The following NRG1 variants were observed in gnomAD, a reference collection of about 807,000 sequenced individuals.
NRG1 encodes the protein neuregulin 1.
Under a neutral mutation model 63.8 loss-of-function variants are expected in NRG1, and 18 were observed. The ratio of observed to expected loss-of-function variants is 0.28; its 90% CI spans 0.19 to 0.42. NRG1 has a LOEUF of 0.42. NRG1 is among the 10% of genes least tolerant of loss of function. The pLI, the probability that NRG1 is intolerant of heterozygous loss-of-function variation, is 1.00. For missense variants in NRG1, 762 were observed against 814.7 expected (o/e 0.94, Z 0.79); for synonymous variants, 302 against 301.3 (o/e 1.00, Z -0.02).
chr8:32,090,099 C>T (rs1828882933), intron 1 of NRG1, among the ~76,000 whole-genome samples: 1 of 152,088 alleles, frequency 6.6e-6, no homozygotes, highest in Non-Finnish European at 1.5e-5. Context: ...ATAGAGTCCA[C>T]CTCTTAAAGG....
intron 1 of NRG1, among the ~76,000 whole-genome samples, chr8:31,648,596 AT>A (rs1804538380): frequency 6.6e-6 from 1 of 152,126 alleles, no homozygotes. Flanking sequence ...GACAAACACT[AT>A]TCTACTGTTT....
intron 1 of NRG1, among the ~76,000 whole-genome samples, chr8:31,664,368 C>T (rs973079172): frequency 3.3e-5 from 5 of 152,036 alleles, no homozygotes; most frequent in African/African-American, 4.8e-5. Context: ...GGAGTACCAA[C>T]GCATAGAGTG....
chr8:32,138,188 C>A (rs571859751), intron 1 of NRG1, among the ~76,000 whole-genome samples: 67 of 151,998 alleles, frequency 4.4e-4, no homozygotes, highest in Non-Finnish European at 8.1e-4. Flanking sequence ...AGCTACACAG[C>A]GTCAGTGAGG....
At chr8:32,655,575 G>A (rs1307621759) in intron 5 of NRG1, among the ~76,000 whole-genome samples, 1 of 152,044 alleles carries the variant, frequency 6.6e-6, no homozygotes, top group Non-Finnish European at 1.5e-5. Flanking sequence ...AAATTGTAGG[G>A]GTTCTTTACC....
rs74881678 is a variant in NRG1, at chr8:32,745,345, C to T, written c.691+2612C>T. Among the ~76,000 whole-genome samples the T allele has an allele frequency of 6.8e-3, 1,036 of 152,214 alleles. 10 individuals carry two copies. The highest frequency in any genetic ancestry group is 0.023 in the African/African-American group (958 of 41,538). On this transcript the variant is annotated intron_variant, in intron 7 of 11. Transcript: ENST00000356819. ...AGAGAAACATTCAAAACTTACCAAA[C>T]TGCATTTTCAGTTGAAAAATAACAT...
At chr8:31,990,643 C>T (rs444706) in intron 1 of NRG1, among the ~76,000 whole-genome samples, 3,602 of 152,100 alleles carry the variant, frequency 0.024, 122 homozygotes, top group African/African-American at 0.082. Context: ...GTGTATCTTC[C>T]AAAAAGTACA....
rs71209904 is a variant in NRG1, at chr8:32,725,464, A to ATT, written c.503-2457_503-2456dup. 8.6e-3 allele frequency among the ~76,000 whole-genome samples: 582 copies of ATT among 67,570 alleles called. 45 individuals carry two copies. Among genetic ancestry groups the ATT allele is most frequent in the African/African-American group, 0.028 (512 of 18,004 alleles). 44.3% of individuals were successfully genotyped at this position (67,570 alleles called of 152,430 possible). On this transcript the variant is annotated intron_variant, in intron 5 of 11. Coordinates refer to ENST00000356819, the Ensembl canonical transcript of NRG1. Reference sequence around the variant, plus strand: ...TTTAACATTCGAGGCAAACTTCCTAATTTTTTTTTTTTTTTTTTTTTTTTT... The same window carrying ATT: ...TTTAACATTCGAGGCAAACTTCCTAATTTTTTTTTTTTTTTTTTTTTTTTTTT...
chr8:32,452,346 C>T (rs1288524187), intron 1 of NRG1, among the ~76,000 whole-genome samples: 1 of 151,804 alleles, frequency 6.6e-6, no homozygotes, highest in African/African-American at 2.4e-5. Flanking sequence ...GTTGGGGAGG[C>T]TTTATGGAGG....
chr8:32,017,878 T>C (rs1335409946), intron 1 of NRG1, among the ~76,000 whole-genome samples: 1 of 152,126 alleles, frequency 6.6e-6, no homozygotes, highest in Non-Finnish European at 1.5e-5. Flanking sequence ...GACAAAACCA[T>C]TGGCTATTGG....
chr8:32,550,163 T>C (rs948802451), intron 1 of NRG1, among the ~76,000 whole-genome samples: 1 of 152,136 alleles, frequency 6.6e-6, no homozygotes, highest in Non-Finnish European at 1.5e-5. Flanking sequence ...CACTGGCCAT[T>C]CTTGTGCTTG....
intron 1 of NRG1, among the ~76,000 whole-genome samples, chr8:31,705,492 G>A (rs544087931): frequency 6.6e-6 from 1 of 152,152 alleles, no homozygotes; most frequent in Non-Finnish European, 1.5e-5. Flanking sequence ...TAGGATGAAA[G>A]TTGGAAAATA....
chr8:31,823,003 T>C (rs1183627165), intron 1 of NRG1, among the ~76,000 whole-genome samples: 3 of 151,412 alleles, frequency 2.0e-5, no homozygotes, highest in African/African-American at 7.3e-5. Context: ...CAGAAGCAAA[T>C]AAATATAGAG....
At chr8:32,599,096 A>G (rs1284438373) in intron 2 of NRG1, among the ~76,000 whole-genome samples, 2 of 152,126 alleles carry the variant, frequency 1.3e-5, no homozygotes, top group African/African-American at 4.8e-5. Context: ...TAGAAGTCAG[A>G]ACATAGGGCT....
chr8:31,722,157 A>G (rs1470636766), intron 1 of NRG1, among the ~76,000 whole-genome samples: 1 of 152,086 alleles, frequency 6.6e-6, no homozygotes, highest in African/African-American at 2.4e-5. Context: ...TGGTGGTCTC[A>G]GCCCCTGGCT....
chr8:32,275,775 C>G (rs1586566283), intron 1 of NRG1, among the ~76,000 whole-genome samples: 1 of 151,894 alleles, frequency 6.6e-6, no homozygotes, highest in African/African-American at 2.4e-5. Context: ...CTGCGGCAGG[C>G]CCAGGGTCTG....
chr8:32,333,806 C>A (rs943196675), intron 1 of NRG1, among the ~76,000 whole-genome samples: 2 of 152,156 alleles, frequency 1.3e-5, no homozygotes, highest in Non-Finnish European at 2.9e-5. Flanking sequence ...TTTCCTGTTA[C>A]CCTGTGTACG....
intron 1 of NRG1, among the ~76,000 whole-genome samples, chr8:31,970,036 A>G (rs2129628536): frequency 6.6e-6 from 1 of 152,322 alleles, no homozygotes; most frequent in African/African-American, 2.4e-5. Flanking sequence ...TATTTTATCA[A>G]TAATTTGGTA....
At chr8:32,360,056 G>A (rs532155638) in intron 1 of NRG1, among the ~76,000 whole-genome samples, 7 of 152,232 alleles carry the variant, frequency 4.6e-5, no homozygotes, top group African/African-American at 1.4e-4. Context: ...CTAGTCAAAT[G>A]GAAATTTTCT....
intron 5 of NRG1, among the ~76,000 whole-genome samples, chr8:32,726,948 A>G (rs1822355694): frequency 6.6e-6 from 1 of 152,048 alleles, no homozygotes; most frequent in South Asian, 2.1e-4. Flanking sequence ...GAGTATATAG[A>G]ATCTGTACTG....
Sources: allele counts gnomAD v4.1 joint callset (sites outside exome capture counted in the v4.1 genomes callset), GRCh38; gene constraint gnomAD v4.1.1; transcripts MANE v1.5; gene names NCBI Gene and HGNC (gene_info 2026-07-23, HGNC 2026-07-21).